PCDHA13: variants seen among roughly 807,000 people sequenced by gnomAD.
The protein encoded by PCDHA13 is protocadherin alpha-13.
A neutral mutation model predicts 64.8 loss-of-function variants in PCDHA13; 54 were observed. That is an observed-to-expected ratio of 0.83 (90% CI 0.67 to 1.04). The LOEUF (loss-of-function observed/expected upper bound fraction) is 1.04. PCDHA13 is among the 50% of genes least tolerant of loss of function. PCDHA13 has a pLI of 0.00. For missense variants in PCDHA13, 1,248 were observed against 1,254.3 expected, an observed-to-expected ratio of 0.99 and a Z score of 0.08; for synonymous variants, 587 against 564.4, an observed-to-expected ratio of 1.04 and a Z score of -0.57.
At chr5:140,922,181 A>G (rs2080696715) in intron 1 of PCDHA13, among the ~76,000 whole-genome samples, 1 of 152,324 alleles carries the variant, frequency 6.6e-6, no homozygotes, top group South Asian at 2.1e-4. Context: ...GCAGACAAAA[A>G]AAAAGTCTTA....
chr5:141,007,470 A>G (rs1395064697), intron 3 of PCDHA13, among the ~76,000 whole-genome samples: 2 of 151,494 alleles, frequency 1.3e-5, no homozygotes. Context: ...CAGGAGGCTG[A>G]GGCACGAGAA....
chr5:140,919,957 G>GC (rs2079372992), intron 1 of PCDHA13, among the ~76,000 whole-genome samples: 1 of 148,640 alleles, frequency 6.7e-6, no homozygotes, highest in Non-Finnish European at 1.5e-5. Flanking sequence ...AGTTTGTTTT[G>GC]TTTTTTAAAT....
intron 1 of PCDHA13, among the ~76,000 whole-genome samples, chr5:140,904,727 A>G (rs953402398): frequency 7.2e-5 from 11 of 151,992 alleles, no homozygotes; most frequent in African/African-American, 2.4e-4. Flanking sequence ...GCCAACATCT[A>G]TTATTTTTTT....
At chr5:140,991,919 A>T (rs185947527) in intron 3 of PCDHA13, among the ~76,000 whole-genome samples, 96 of 152,274 alleles carry the variant, frequency 6.3e-4, no homozygotes, top group Admixed American at 1.2e-3. Flanking sequence ...GCCATGTAAC[A>T]TAACATATTC....
At chr5:140,983,642 G>A (rs954814692) in intron 3 of PCDHA13, among the ~76,000 whole-genome samples, 3 of 152,174 alleles carry the variant, frequency 2.0e-5, no homozygotes, top group African/African-American at 7.2e-5. Flanking sequence ...CCAAGTTCAC[G>A]TAGCTTGTAA....
At chr5:140,985,619 G>A (rs961379624) in intron 3 of PCDHA13, among the ~76,000 whole-genome samples, 1 of 152,064 alleles carries the variant, frequency 6.6e-6, no homozygotes, top group Non-Finnish European at 1.5e-5. Flanking sequence ...TGAACCAGCT[G>A]TGTATTGCTC....
In PCDHA13 at chr5:140,922,940, G is replaced by A. The variant is rs138846807; in HGVS notation, c.2394+38278G>A. 4.7e-3 allele frequency among the ~76,000 whole-genome samples: 717 copies of A among 152,280 alleles called. 4 individuals carry two copies. Among genetic ancestry groups the A allele is most frequent in the Middle Eastern group, 0.021 (6 of 292 alleles). On this transcript the variant is annotated intron_variant, in intron 1 of 3. Coordinates refer to ENST00000289272, the MANE Select transcript of PCDHA13 (RefSeq NM_018904.3). Reference sequence around the variant, plus strand: ...ACTTCAGACTTTTACTTCCAGCAATGGAAATCCAGTTTGTCTTCAGCCAGT... The same window carrying A: ...ACTTCAGACTTTTACTTCCAGCAATAGAAATCCAGTTTGTCTTCAGCCAGT...
intron 1 of PCDHA13, among the ~76,000 whole-genome samples, chr5:140,961,831 T>G (rs1447917023): frequency 6.6e-6 from 1 of 152,194 alleles, no homozygotes; most frequent in African/African-American, 2.4e-5. Flanking sequence ...TGTAAGTTAT[T>G]TCAGTGCCTT....
intron 2 of PCDHA13, among the ~76,000 whole-genome samples, chr5:140,980,413 T>C (rs1218867656): frequency 6.6e-6 from 1 of 152,086 alleles, no homozygotes; most frequent in Admixed American, 6.6e-5. Context: ...GGGCAGATCA[T>C]GAGGTCAAGA....
At chr5:140,896,114 G>A (rs1165904850) in intron 1 of PCDHA13, among the ~76,000 whole-genome samples, 1 of 152,030 alleles carries the variant, frequency 6.6e-6, no homozygotes, top group Non-Finnish European at 1.5e-5. Context: ...CCTGGCCAAT[G>A]TACTGCATTT....
Position 140,901,240 on chromosome 5 carries a change from C to T in PCDHA13, c.2394+16578C>T, listed in dbSNP as rs868923936. 8.9e-4 allele frequency among the ~76,000 whole-genome samples: 135 copies of T among 151,946 alleles called. 1 individual carries two copies. Among genetic ancestry groups the T allele is most frequent in the Middle Eastern group, 6.8e-3 (2 of 294 alleles). The stretch of plus-strand genomic sequence containing the variant: ...TGTGATCCCATATATCCATTTTTTT[C>T]CTTTGGTTCCCTGTGATTGTGGGGT... On this transcript the variant is annotated intron_variant, in intron 1 of 3. Transcript: ENST00000289272.
chr5:140,969,007 A>T, intron 1 of PCDHA13: 2 of 1,614,148 alleles, frequency 1.2e-6, no homozygotes, highest in Non-Finnish European at 1.7e-6. Context: ...GCTTCTGTGG[A>T]GTAAGGGAAA....
chr5:140,891,430 A>G (rs1422502424), intron 1 of PCDHA13, among the ~76,000 whole-genome samples: 1 of 141,772 alleles, frequency 7.1e-6, no homozygotes, highest in Non-Finnish European at 1.5e-5. Flanking sequence ...CCAAGTCCCC[A>G]ACGTCCATTG....
At position 140,967,914 on chromosome 5, in the gene PCDHA13, T is replaced by C. The variant is rs1376293284; in HGVS notation, c.2395-11035T>C. On this transcript the variant is annotated intron_variant, in intron 1 of 3. Coordinates refer to ENST00000289272, the MANE Select transcript of PCDHA13 (RefSeq NM_018904.3). ...CCTGAGAATGCTACACCCAACACCA[T>C]TGTGGCCGTTCTCAGTGTCAATGAC... 1.2e-5 allele frequency: 20 copies of C among 1,614,060 alleles called. No individual in the cohort carries two copies. The highest frequency in any genetic ancestry group is 3.3e-5 in the South Asian group (3 of 91,086).
At chr5:140,887,538 A>AC (rs1554183096) in intron 1 of PCDHA13, among the ~76,000 whole-genome samples, 1 of 151,216 alleles carries the variant, frequency 6.6e-6, no homozygotes, top group Admixed American at 6.6e-5. Flanking sequence ...TCCTCTCCCC[A>AC]CCCCTCATGG....
rs1393275293 is a variant in PCDHA13, at chr5:140,884,523, A to T, written c.2255A>T (p.Gln752Leu). Reference sequence around the variant, plus strand: ...GCGGCAGGGAGTTGGTCGTACTCGCAGCAGAGGCGGCCGAGGGTGTGCTCT... The same window carrying T: ...GCGGCAGGGAGTTGGTCGTACTCGCTGCAGAGGCGGCCGAGGGTGTGCTCT... ...SSAAGSWSYS[Q>L]QRRPRVCSGE... is the part of the protein sequence containing the mutation. Residue 752 changes from glutamine (Q) to leucine (L), a missense_variant, in exon 1 of 4, where the codon CAG (glutamine) becomes CTG (leucine). Coordinates refer to ENST00000289272, the MANE Select transcript of PCDHA13 (RefSeq NM_018904.3). The T allele has an allele frequency of 6.2e-7, 1 of 1,614,030 alleles. No homozygotes were observed. Among genetic ancestry groups the T allele is most frequent in the Non-Finnish European group, 8.5e-7 (1 of 1,179,974 alleles).
At chr5:140,984,247 C>G (rs1394918677) in intron 3 of PCDHA13, among the ~76,000 whole-genome samples, 2 of 152,138 alleles carry the variant, frequency 1.3e-5, no homozygotes, top group Non-Finnish European at 2.9e-5. Flanking sequence ...GTAGGTCGAC[C>G]TGGTAAGCCA....
At chr5:140,912,654 G>T (rs1411811349) in intron 1 of PCDHA13, among the ~76,000 whole-genome samples, 4 of 152,076 alleles carry the variant, frequency 2.6e-5, no homozygotes, top group Non-Finnish European at 5.9e-5. Flanking sequence ...GAATAGAAGT[G>T]GTGAAAATGG....
At chr5:140,955,470 G>C (rs1459601597) in intron 1 of PCDHA13, among the ~76,000 whole-genome samples, 2 of 151,850 alleles carry the variant, frequency 1.3e-5, no homozygotes, top group African/African-American at 4.8e-5. Context: ...CTTTTTGCTT[G>C]GCACCTCTCC....
Sources: gnomAD v4.1 joint callset for allele counts (sites outside exome capture counted in the v4.1 genomes callset) on GRCh38, gnomAD v4.1.1 for gene constraint, MANE v1.5 for transcripts, NCBI Gene and HGNC (gene_info 2026-07-23, HGNC 2026-07-21) for gene names.